The following NETO1 variants were observed in gnomAD, a reference collection of about 807,000 sequenced individuals.
The protein encoded by NETO1 is neuropilin and tolloid like 1.
A neutral mutation model predicts 61.3 loss-of-function variants in NETO1; 26 were observed. That is an observed-to-expected ratio of 0.42 (90% confidence interval 0.31 to 0.59). NETO1 has a LOEUF of 0.59. NETO1 is among the 20% of genes least tolerant of loss of function. The pLI, the probability that NETO1 is intolerant of heterozygous loss-of-function variation, is 0.12. For synonymous variants in NETO1, 225 were observed against 225.8 expected, an observed-to-expected ratio of 1.00 and a Z score of 0.03; for missense variants, 531 against 662.8, an observed-to-expected ratio of 0.80 and a Z score of 2.18.
At position 72,756,132 on chromosome 18, in the gene NETO1, T is replaced by C. The variant is rs1179238516; in HGVS notation, c.884A>G (p.Asn295Ser). The C allele has an allele frequency of 5.6e-6, 9 of 1,597,708 alleles. No individual in the cohort carries two copies. The highest frequency in any genetic ancestry group is 2.2e-5 in the East Asian group (1 of 44,720). ...CATGTTACTATGGCAGAAGAATGTG[T>C]TGCCTTCACAAGGAGCTAAAAAGAA... ...TSFQEPPCEG[N>S]TFFCHSNMCI... is the part of the protein sequence containing the mutation. Residue 295 changes from asparagine to serine, a missense_variant, in exon 8 of 11, where the codon AAC becomes AGC. Physicochemically the swap from Asn to Ser is conservative, Grantham distance 46. Coordinates refer to ENST00000327305, the MANE Select transcript of NETO1 (RefSeq NM_138966.5).
intron 4 of NETO1, among the ~76,000 whole-genome samples, chr18:72,831,233 C>T (rs1169439586): frequency 2.6e-5 from 4 of 152,212 alleles, no homozygotes; most frequent in African/African-American, 9.6e-5. Flanking sequence ...ATACCAGTGA[C>T]TAACACATCT....
At chr18:72,864,284 C>T (rs1163573769) in intron 3 of NETO1, among the ~76,000 whole-genome samples, 2 of 152,150 alleles carry the variant, frequency 1.3e-5, no homozygotes, top group Non-Finnish European at 2.9e-5. Context: ...TCATAATTTA[C>T]AATCCTGACC....
At chr18:72,857,789 T>G (rs1165484981) in intron 4 of NETO1, among the ~76,000 whole-genome samples, 1 of 152,204 alleles carries the variant, frequency 6.6e-6, no homozygotes, top group Non-Finnish European at 1.5e-5. Flanking sequence ...TTTAGTGATA[T>G]TATTAAAAAC....
chr18:72,818,745 T>C (rs1459499423), intron 4 of NETO1, among the ~76,000 whole-genome samples: 1 of 152,208 alleles, frequency 6.6e-6, no homozygotes, highest in Non-Finnish European at 1.5e-5. Context: ...TATCATAAAA[T>C]ATCATGCTCA....
chr18:72,764,301 T>A (rs1157049005), intron 7 of NETO1, among the ~76,000 whole-genome samples: 4 of 152,200 alleles, frequency 2.6e-5, no homozygotes, highest in Admixed American at 2.6e-4. Context: ...TGGTGAGGGA[T>A]GGAAGCAAAG....
rs1599070892 is a variant in NETO1, at chr18:72,746,072, T to C, written c.*2107A>G. ...TTTTAAGCAGGGAATCAGCATTCTGTATATTCAGGAGAAACTGGAGGGGAC... is the reference window on the plus strand; with the variant it reads ...TTTTAAGCAGGGAATCAGCATTCTGCATATTCAGGAGAAACTGGAGGGGAC... On this transcript the variant is annotated 3_prime_UTR_variant, in exon 11 of 11. Transcript: ENST00000327305. 2 of 152,288 alleles carry C rather than the reference T, an allele frequency of 1.3e-5. No individual in the cohort carries two copies. The highest frequency in any genetic ancestry group is 2.1e-4 in the South Asian group (1 of 4,826). The allele number at this position is 152,288 out of a possible 1,614,324, so 9.4% of individuals were successfully genotyped here. A position where few individuals can be genotyped will look rare whatever the true frequency, so the allele number is the denominator to read the frequency against.
At chr18:72,754,396 C>A (rs73968913) in intron 8 of NETO1, among the ~76,000 whole-genome samples, 1 of 151,746 alleles carries the variant, frequency 6.6e-6, no homozygotes, top group Non-Finnish European at 1.5e-5. Context: ...GATTTTCAGA[C>A]TGGATAAAAA....
At chr18:72,814,941 T>A (rs112502499) in intron 4 of NETO1, among the ~76,000 whole-genome samples, 3 of 150,468 alleles carry the variant, frequency 2.0e-5, no homozygotes, top group East Asian at 1.9e-4. Flanking sequence ...GAAAAAAAAA[T>A]TTAAAATTAT....
Position 72,743,818 on chromosome 18 carries a change from T to C in NETO1, c.*4361A>G, listed in dbSNP as rs2070376520. On this transcript the variant is annotated 3_prime_UTR_variant, in exon 11 of 11. Transcript: ENST00000327305. ...TTATACATTGTTTTCTGGTCATTTT[T>C]AAGTTTTGTGTCAGTATCTGTGACT... The C allele has an allele frequency of 6.6e-6, 1 of 152,220 alleles. No individual in the cohort carries two copies. The highest frequency in any genetic ancestry group is 6.5e-5 in the Admixed American group (1 of 15,280). 9.4% of individuals were successfully genotyped at this position (152,220 alleles called of 1,614,324 possible).
At chr18:72,844,057 A>G (rs1006767847) in intron 4 of NETO1, among the ~76,000 whole-genome samples, 4 of 152,198 alleles carry the variant, frequency 2.6e-5, no homozygotes, top group African/African-American at 9.7e-5. Flanking sequence ...CATGCTCACA[A>G]AGGTATCTCA....
At chr18:72,832,600 T>C (rs2073617980) in intron 4 of NETO1, among the ~76,000 whole-genome samples, 2 of 152,194 alleles carry the variant, frequency 1.3e-5, no homozygotes, top group Non-Finnish European at 2.9e-5. Context: ...CATCTGGTAG[T>C]TGATGTGTCT....
At chr18:72,764,447 G>T (rs1184425418) in intron 7 of NETO1, among the ~76,000 whole-genome samples, 2 of 152,046 alleles carry the variant, frequency 1.3e-5, no homozygotes, top group African/African-American at 2.4e-5. Flanking sequence ...GGTAACTAAG[G>T]TGATTTTCCC....
At position 72,748,416 on chromosome 18, in the gene NETO1, G is replaced by A. The variant is rs189808554; in HGVS notation, c.*15-252C>T. 12 of 373,302 alleles carry A rather than the reference G, an allele frequency of 3.2e-5. No homozygotes were observed. The South Asian group carries it at 3.3e-4, about 10-fold the overall frequency. The allele number at this position is 373,302 out of a possible 1,614,324, so 23.1% of individuals were successfully genotyped here. A position where few individuals can be genotyped will look rare whatever the true frequency, so the allele number is the denominator to read the frequency against. On this transcript the variant is annotated intron_variant, in intron 10 of 10. Transcript: ENST00000327305. ...ATCTGATGACAAAATCGATGTACAC[G>A]TAGACAACTGGGATTAATGAAACCT... is the stretch of plus-strand genomic sequence containing the variant.
chr18:72,789,221 C>CACACAA (rs1193181441), intron 6 of NETO1, among the ~76,000 whole-genome samples: 1 of 138,266 alleles, frequency 7.2e-6, no homozygotes, highest in African/African-American at 2.7e-5. Flanking sequence ...CACACACACA[C>CACACAA]ACACACACAC....
At chr18:72,769,703 T>C (rs4892045) in intron 7 of NETO1, among the ~76,000 whole-genome samples, 51,701 of 151,916 alleles carry the variant, frequency 0.34, 9,083 homozygotes, top group Admixed American at 0.47. Flanking sequence ...ATGTATTAAA[T>C]GTTTATCCCA....
At chr18:72,757,094 C>CT (rs1389446953) in intron 7 of NETO1, among the ~76,000 whole-genome samples, 1 of 152,006 alleles carries the variant, frequency 6.6e-6, no homozygotes, top group East Asian at 1.9e-4. Context: ...TCTAGTGTTT[C>CT]TTTTTTTCAA....
chr18:72,763,639 C>T (rs760521455), intron 7 of NETO1, among the ~76,000 whole-genome samples: 1 of 151,906 alleles, frequency 6.6e-6, no homozygotes, highest in Non-Finnish European at 1.5e-5. Context: ...CACATTCAAA[C>T]ACAGTCATAC....
intron 4 of NETO1, among the ~76,000 whole-genome samples, chr18:72,800,535 T>A (rs1276549717): frequency 6.6e-6 from 1 of 152,162 alleles, no homozygotes; most frequent in Non-Finnish European, 1.5e-5. Flanking sequence ...GGGCTCCCAG[T>A]GATTCTACAT....
Position 72,821,559 on chromosome 18 carries a change from CA to C in NETO1, c.470-27156del, listed in dbSNP as rs11420100. 9.2e-3 allele frequency among the ~76,000 whole-genome samples: 803 copies of C among 87,208 alleles called. 4 individuals carry two copies. Among genetic ancestry groups the C allele is most frequent in the East Asian group, 0.07 (191 of 2,712 alleles). The allele number at this position is 87,208 out of a possible 152,430, so 57.2% of individuals were successfully genotyped here. A position where few individuals can be genotyped will look rare whatever the true frequency, so the allele number is the denominator to read the frequency against. On this transcript the variant is annotated intron_variant, in intron 4 of 10. Transcript: ENST00000327305. ...CATCCTGGGCAATAAGGGTGAAACT[CA>C]AAAAAAAAAAAAAAAAAGGAATCCT...
Sources: allele counts gnomAD v4.1 joint callset (sites outside exome capture counted in the v4.1 genomes callset), GRCh38; gene constraint gnomAD v4.1.1; transcripts MANE v1.5; gene names NCBI Gene and HGNC (gene_info 2026-07-23, HGNC 2026-07-21).